PIAS2: variants seen among roughly 807,000 people sequenced by gnomAD.
PIAS2 encodes protein inhibitor of activated STAT 2, also known as E3 SUMO-protein ligase PIAS2.
PIAS2 carries 19 observed loss-of-function variants against 69.7 expected under a neutral mutation model. That is an observed-to-expected ratio of 0.27 (90% CI 0.19 to 0.40). The LOEUF is 0.40. PIAS2 is among the 10% of genes least tolerant of loss of function. The pLI, the probability that PIAS2 is intolerant of heterozygous loss-of-function variation, is 1.00. For synonymous variants in PIAS2, 261 were observed against 263.2 expected, an observed-to-expected ratio of 0.99 and a Z score of 0.08; for missense variants, 624 against 757.0, an observed-to-expected ratio of 0.82 and a Z score of 2.06.
At chr18:46,865,074 C>A (rs528130872) in intron 2 of PIAS2, among the ~76,000 whole-genome samples, 2 of 152,034 alleles carry the variant, frequency 1.3e-5, no homozygotes, top group Non-Finnish European at 2.9e-5. Flanking sequence ...AATGAAGTCA[C>A]CCTTATGTAT....
intron 8 of PIAS2, among the ~76,000 whole-genome samples, chr18:46,840,754 A>T (rs1599602356): frequency 6.6e-6 from 1 of 152,158 alleles, no homozygotes; most frequent in South Asian, 2.1e-4. Flanking sequence ...CACCAAAATA[A>T]ATTCTAATTC....
At chr18:46,815,067 G>C (rs2041365718) in intron 13 of PIAS2, among the ~76,000 whole-genome samples, 1 of 152,128 alleles carries the variant, frequency 6.6e-6, no homozygotes, top group Admixed American at 6.5e-5. Context: ...GCTTGTAGGA[G>C]ATGCCAACTG....
chr18:46,844,148 AAAAAATTT>A, intron 7 of PIAS2, 21 bp from the exon 8 acceptor site: 1 of 1,248,072 alleles, frequency 8.0e-7, no homozygotes, highest in Non-Finnish European at 1.1e-6. Flanking sequence ...AAGAGAAAAA[AAAAAATTT>A]AAAAAAATTA....
rs2054017563 is a variant in PIAS2 at position 46,891,134 on chromosome 18, T to G, written c.25-80A>C. ...CCTATCTAAAATATAATGTAAAATG[T>G]GATTTTTCCAGCATTCTATCAATTG... is the stretch of plus-strand genomic sequence containing the variant. On this transcript the variant is annotated intron_variant, in intron 1 of 13. Transcript: ENST00000585916. 4 of 1,050,432 alleles carry G rather than the reference T, an allele frequency of 3.8e-6. No individual in the cohort carries two copies. In the South Asian group the frequency reaches 6.0e-5, roughly 16 times the overall value. The allele number at this position is 1,050,432 out of a possible 1,614,324, so 65.1% of individuals were successfully genotyped here. A position where few individuals can be genotyped will look rare whatever the true frequency, so the allele number is the denominator to read the frequency against.
At chr18:46,829,946 C>T in intron 9 of PIAS2, 79 bp from the exon 10 acceptor site, 1 of 1,264,104 alleles carries the variant, frequency 7.9e-7, no homozygotes, top group African/African-American at 1.5e-5. Flanking sequence ...TACACATTAC[C>T]TTGAAAACAT....
intron 6 of PIAS2, 150 bp downstream of exon 6, chr18:46,846,557 C>A: frequency 1.5e-6 from 1 of 647,616 alleles, no homozygotes; most frequent in South Asian, 3.8e-5. Context: ...TAAGAATCTC[C>A]ACACTGCCAC....
chr18:46,911,417 T>C (rs1227615807), intron 1 of PIAS2, among the ~76,000 whole-genome samples: 5 of 151,844 alleles, frequency 3.3e-5, no homozygotes. Context: ...GGTTTCACCA[T>C]GTTAGCCAGG....
intron 1 of PIAS2, among the ~76,000 whole-genome samples, chr18:46,911,656 T>C (rs2057279351): frequency 6.6e-6 from 1 of 152,256 alleles, no homozygotes; most frequent in Non-Finnish European, 1.5e-5. Flanking sequence ...GTACTCAATT[T>C]CTAGATTTTC....
At chr18:46,917,174 C>T (rs1192364337) in intron 1 of PIAS2, 148 bp downstream of exon 1, 2 of 1,151,634 alleles carry the variant, frequency 1.7e-6, no homozygotes, top group African/African-American at 3.3e-5. Context: ...CCCCCGCGCC[C>T]TCGGCGCCCG....
rs990019623 is a variant in PIAS2 at position 46,807,255 on chromosome 18, G to A, written c.*5178C>T. On this transcript the variant is annotated 3_prime_UTR_variant, in exon 14 of 14. Coordinates refer to ENST00000585916, the MANE Select transcript of PIAS2 (RefSeq NM_004671.5). ...AACTTTTGAACTAAAGATGGAAAAC[G>A]TAGTCTGACAAAGAATATTTGTGCA... The A allele has an allele frequency of 6.1e-5, 9 of 148,198 alleles. No homozygotes were observed. The highest frequency in any genetic ancestry group is 1.5e-4 in the African/African-American group (6 of 39,886). The allele number at this position is 148,198 out of a possible 1,614,324, so 9.2% of individuals were successfully genotyped here.
intron 12 of PIAS2, chr18:46,817,427 C>T: frequency 2.1e-6 from 2 of 965,442 alleles, no homozygotes; most frequent in South Asian, 9.6e-5. Context: ...AAAATTGAAG[C>T]TCTATCACCA....
chr18:46,862,925 C>T (rs1192904658), intron 3 of PIAS2, among the ~76,000 whole-genome samples: 5 of 151,972 alleles, frequency 3.3e-5, no homozygotes, highest in Admixed American at 2.0e-4. Context: ...AGGCTGGTCT[C>T]GAACTCCTGA....
intron 9 of PIAS2, among the ~76,000 whole-genome samples, chr18:46,832,908 A>AAAAAAAAAAC (rs1568417434): frequency 6.6e-6 from 1 of 151,788 alleles, no homozygotes; most frequent in African/African-American, 2.4e-5. Flanking sequence ...AAAAAAAAAA[A>AAAAAAAAAAC]AGAGAAGCCA....
intron 2 of PIAS2, among the ~76,000 whole-genome samples, chr18:46,871,736 G>A (rs1277697947): frequency 1.3e-5 from 2 of 152,054 alleles, no homozygotes; most frequent in Admixed American, 1.3e-4. Context: ...AAAGGAGAAA[G>A]GTTTAAAGCA....
rs764656048 is a variant in PIAS2 at position 46,855,444 on chromosome 18, A to G, written c.636-9T>C. The G allele has an allele frequency of 1.2e-6, 2 of 1,605,974 alleles. No individual in the cohort carries two copies. Among genetic ancestry groups the G allele is most frequent in the East Asian group, 4.5e-5 (2 of 44,816 alleles). The stretch of plus-strand genomic sequence containing the variant: ...TCTCTGCCAGGCAAAGTCTGCATTA[A>G]TAAAAGAAAAAAGTATTCTTAAATA... On this transcript the variant is annotated splice_polypyrimidine_tract_variant and intron_variant, in intron 4 of 13. Transcript: ENST00000585916.
At chr18:46,814,348 T>C (rs2041281938) in intron 13 of PIAS2, among the ~76,000 whole-genome samples, 1 of 152,182 alleles carries the variant, frequency 6.6e-6, no homozygotes, top group South Asian at 2.1e-4. Flanking sequence ...GGTTCCAAGA[T>C]AATTTTTTTT....
chr18:46,882,006 A>G (rs999525728), intron 2 of PIAS2, among the ~76,000 whole-genome samples: 1 of 152,022 alleles, frequency 6.6e-6, no homozygotes, highest in Non-Finnish European at 1.5e-5. Context: ...CTGAGGCAGG[A>G]GAATCACTTG....
chr18:46,894,463 G>A (rs1052789209), intron 1 of PIAS2, among the ~76,000 whole-genome samples: 28 of 152,118 alleles, frequency 1.8e-4, no homozygotes, highest in African/African-American at 5.1e-4. Context: ...TTTTCCAAGC[G>A]GTTTTTCCAC....
At chr18:46,841,318 C>CTATCTATCTATCTATCTATT (rs1168630636) in intron 8 of PIAS2, among the ~76,000 whole-genome samples, 10 of 152,114 alleles carry the variant, frequency 6.6e-5, no homozygotes, top group Non-Finnish European at 1.2e-4. Context: ...ATTCTATCAC[C>CTATCTATCTATCTATCTATT]CTACACTATC....
Sources: gnomAD v4.1 joint callset for allele counts (sites outside exome capture counted in the v4.1 genomes callset) on GRCh38, gnomAD v4.1.1 for gene constraint, MANE v1.5 for transcripts, NCBI Gene and HGNC (gene_info 2026-07-23, HGNC 2026-07-21) for gene names.